The following CCDC7 variants were observed in gnomAD, a reference collection of about 807,000 sequenced individuals.
CCDC7 encodes coiled-coil domain containing 7, also known as coiled-coil domain-containing protein 7.
A neutral mutation model predicts 196.9 loss-of-function variants in CCDC7; 183 were observed. The observed-to-expected ratio is 0.93, with a 90% CI of 0.82 to 1.05. The LOEUF is 1.05. Among genes scored for constraint, CCDC7 ranks in the 50% least tolerant of loss-of-function variants. CCDC7 has a pLI of 0.00. For missense variants in CCDC7, 1,540 were observed against 1,482.2 expected (o/e 1.04, Z -0.64); for synonymous variants, 525 against 484.6 (o/e 1.08, Z -1.10).
chr10:32,455,279 ATATT>A (rs72086158), intron 2 of CCDC7, among the ~76,000 whole-genome samples: 110,042 of 146,662 alleles, frequency 0.75, 43,991 homozygotes, highest in Non-Finnish European at 0.9. Flanking sequence ...GCCTCTCAGC[ATATT>A]TATTTATTTA....
At chr10:32,589,132 C>T (rs1249335843) in intron 18 of CCDC7, among the ~76,000 whole-genome samples, 2 of 151,950 alleles carry the variant, frequency 1.3e-5, no homozygotes, top group African/African-American at 4.8e-5. Flanking sequence ...GTGTACTCAT[C>T]CTCGTTTCCC....
intron 24 of CCDC7, among the ~76,000 whole-genome samples, chr10:32,697,899 G>T (rs1053301791): frequency 2.0e-5 from 3 of 152,162 alleles, no homozygotes; most frequent in Non-Finnish European, 4.4e-5. Flanking sequence ...CCCCCAGTAG[G>T]CTAACTGGGA....
chr10:32,572,663 A>T (rs1167968021), intron 16 of CCDC7, among the ~76,000 whole-genome samples: 3 of 152,110 alleles, frequency 2.0e-5, no homozygotes, highest in Admixed American at 2.0e-4. Context: ...GTCCAAGAGA[A>T]AATTAGACGT....
At chr10:32,662,371 T>C (rs1016447448) in intron 20 of CCDC7, among the ~76,000 whole-genome samples, 2 of 152,180 alleles carry the variant, frequency 1.3e-5, no homozygotes, top group Non-Finnish European at 2.9e-5. Flanking sequence ...CCTGTATAGA[T>C]AGTTTTAAAT....
intron 29 of CCDC7, among the ~76,000 whole-genome samples, chr10:32,791,342 G>A (rs2082672158): frequency 6.6e-6 from 1 of 151,774 alleles, no homozygotes; most frequent in East Asian, 1.9e-4. Flanking sequence ...AAAAAGCAAG[G>A]AAAGACACCA....
upstream of CCDC7, among the ~76,000 whole-genome samples, chr10:32,443,343 T>C (rs2030458208): frequency 6.6e-6 from 1 of 152,084 alleles, no homozygotes; most frequent in African/African-American, 2.4e-5. Context: ...TACTCCATCT[T>C]GGCTGGAAGC....
At chr10:32,591,588 A>C (rs1233632528) in intron 18 of CCDC7, among the ~76,000 whole-genome samples, 1 of 147,706 alleles carries the variant, frequency 6.8e-6, no homozygotes, top group Non-Finnish European at 1.5e-5. Flanking sequence ...GGTAACCTCA[A>C]ATCTAAAAAT....
intron 30 of CCDC7, among the ~76,000 whole-genome samples, chr10:32,811,978 G>C (rs892083791): frequency 1.3e-5 from 2 of 151,960 alleles, no homozygotes; most frequent in African/African-American, 4.8e-5. Context: ...AATCACCTCA[G>C]TAGATGCAGA....
intron 11 of CCDC7, among the ~76,000 whole-genome samples, chr10:32,542,649 A>AAT (rs1487933009): frequency 9.9e-5 from 15 of 151,498 alleles, no homozygotes; most frequent in African/African-American, 3.6e-4. Context: ...AAAAAAAAAA[A>AAT]AAAAGCAGAA....
chr10:32,572,866 C>CTTTTT lies in CCDC7; in HGVS notation c.1454+993_1454+997dup, dbSNP rs576270039. Among the ~76,000 whole-genome samples, 491 of 90,406 alleles carry CTTTTT rather than the reference C, an allele frequency of 5.4e-3. 1 individual carries two copies. The highest frequency in any genetic ancestry group is 0.011 in the African/African-American group (246 of 22,314). 59.3% of individuals were successfully genotyped at this position (90,406 alleles called of 152,430 possible). On this transcript the variant is annotated intron_variant, in intron 16 of 41. Coordinates refer to ENST00000639629, the Ensembl canonical transcript of CCDC7. Reference sequence around the variant, plus strand: ...GAAGGAATAAAGCAAAAGCATGGTGCTTTTTTTTTTTTTTTTTTTTTTTTC... The same window carrying CTTTTT: ...GAAGGAATAAAGCAAAAGCATGGTGCTTTTTTTTTTTTTTTTTTTTTTTTTTTTTC...
chr10:32,870,931 C>T (rs935519149), intron 41 of CCDC7, among the ~76,000 whole-genome samples: 126 of 152,284 alleles, frequency 8.3e-4, no homozygotes, highest in African/African-American at 3.0e-3. Context: ...AGCCTTGCAT[C>T]CCAGGGATGA....
rs188296012 is a variant in CCDC7, at chr10:32,589,129, C to T, written c.1801+4825C>T. ...TTCATTCTTTCTGGTTTTGTGTACT[C>T]ATCCTCGTTTCCCCCACTATGCTTA... On this transcript the variant is annotated intron_variant, in intron 18 of 41. Coordinates refer to ENST00000639629, the Ensembl canonical transcript of CCDC7. 6.2e-4 allele frequency among the ~76,000 whole-genome samples: 94 copies of T among 152,152 alleles called. 1 individual carries two copies. Among genetic ancestry groups the T allele is most frequent in the Non-Finnish European group, 9.1e-4 (62 of 67,970 alleles).
At chr10:32,845,905 A>G in exon 36 of CCDC7, 1 of 1,612,088 alleles carries the variant, frequency 6.2e-7, no homozygotes, top group Non-Finnish European at 8.5e-7. Context: ...GGCAGATGCT[A>G]TTGGAAGAGG....
At chr10:32,795,362 T>G (rs915928954) in intron 29 of CCDC7, among the ~76,000 whole-genome samples, 1 of 152,286 alleles carries the variant, frequency 6.6e-6, no homozygotes, top group South Asian at 2.1e-4. Flanking sequence ...TGAGAGCCTC[T>G]AAAAATTTTT....
chr10:32,637,574 G>A (rs978323325), intron 20 of CCDC7, among the ~76,000 whole-genome samples: 8 of 152,088 alleles, frequency 5.3e-5, no homozygotes, highest in African/African-American at 1.9e-4. Flanking sequence ...ACTCTATTCT[G>A]TTCCATTGGT....
chr10:32,558,552 C>T (rs2054749794), intron 13 of CCDC7, among the ~76,000 whole-genome samples: 1 of 152,120 alleles, frequency 6.6e-6, no homozygotes, highest in Admixed American at 6.5e-5. Context: ...GTTTTTAAAT[C>T]AGCTACTAGG....
chr10:32,804,212 A>T (rs1272525883), intron 29 of CCDC7, among the ~76,000 whole-genome samples: 1 of 152,088 alleles, frequency 6.6e-6, no homozygotes, highest in East Asian at 1.9e-4. Flanking sequence ...ATCAATCCTA[A>T]TCACCCCTTT....
intron 18 of CCDC7, among the ~76,000 whole-genome samples, chr10:32,632,316 T>G (rs183818993): frequency 2.9e-4 from 44 of 152,034 alleles, no homozygotes; most frequent in Admixed American, 1.2e-3. Flanking sequence ...TAAAAAAGGA[T>G]TTGGAGTTTG....
At chr10:32,837,755 A>T (rs754113729) in intron 33 of CCDC7, among the ~76,000 whole-genome samples, 3 of 152,136 alleles carry the variant, frequency 2.0e-5, no homozygotes, top group Non-Finnish European at 4.4e-5. Context: ...ATAAAAAATG[A>T]TGAGCTAATG....
Sources: allele counts gnomAD v4.1 joint callset (sites outside exome capture counted in the v4.1 genomes callset), GRCh38; gene constraint gnomAD v4.1.1; transcripts MANE v1.5; gene names NCBI Gene and HGNC (gene_info 2026-07-23, HGNC 2026-07-21).